The following SDS variants were observed in gnomAD, a reference collection of about 807,000 sequenced individuals.
SDS encodes L-serine dehydratase/L-threonine deaminase.
In SDS, 19 loss-of-function variants were observed where a neutral mutation model predicts 29.3. That is an observed-to-expected ratio of 0.65 (90% confidence interval 0.45 to 0.95). The LOEUF is 0.95. Ranked by LOEUF, SDS falls within the 40% of genes least tolerant of loss-of-function variation. The probability of loss-of-function intolerance (pLI) is 0.00; values close to 1 mark genes in which losing one functional copy is unlikely to be tolerated. For missense variants in SDS, 375 were observed against 439.9 expected (o/e 0.85, Z 1.32); for synonymous variants, 176 against 189.0 (o/e 0.93, Z 0.56).
Position 113,398,784 on chromosome 12 carries a change from C to A in SDS, c.256G>T (p.Val86Leu). The change falls in exon 4 of 8, where the codon GTG becomes TTG. Residue 86 changes from valine (V) to leucine (L), a missense_variant. Coordinates refer to ENST00000257549, the MANE Select transcript of SDS (RefSeq NM_006843.3). The stretch of plus-strand genomic sequence containing the variant: ...AGAGCAGGTGTGGTGCTGGGCACCA[C>A]GATGGTGGCGGGGACGCCGAGTTGC... ...ARQLGVPATIVVPSTTPALTI... is the reference protein window; with the variant it reads ...ARQLGVPATILVPSTTPALTI... The A allele has an allele frequency of 6.2e-7, 1 of 1,613,982 alleles. No homozygotes were observed. The highest frequency in any genetic ancestry group is 2.2e-5 in the East Asian group (1 of 44,874).
chr12:113,401,540 T>C (rs759065521), intron 1 of SDS, among the ~76,000 whole-genome samples: 33 of 152,206 alleles, frequency 2.2e-4, no homozygotes, highest in South Asian at 4.1e-4. Flanking sequence ...CTTGCTGTTG[T>C]TTTAAGTCAC....
intron 6 of SDS, among the ~76,000 whole-genome samples, chr12:113,394,348 T>G (rs1456419327): frequency 4.7e-5 from 7 of 150,502 alleles, no homozygotes; most frequent in Non-Finnish European, 8.9e-5. Flanking sequence ...TTTTTGTTTT[T>G]TTTTTTTTTT....
intron 1 of SDS, among the ~76,000 whole-genome samples, chr12:113,403,123 A>G (rs1216579691): frequency 6.6e-6 from 1 of 151,938 alleles, no homozygotes; most frequent in Non-Finnish European, 1.5e-5. Flanking sequence ...TTTAGGCCCA[A>G]ATGGCTGTTT....
At position 113,398,832 on chromosome 12, in the gene SDS, T is replaced by C; in HGVS notation, c.208A>G (p.Met70Val). 3 of 1,606,724 alleles carry C rather than the reference T, an allele frequency of 1.9e-6. No homozygotes were observed. Among genetic ancestry groups the C allele is most frequent in the Non-Finnish European group, 1.7e-6 (2 of 1,176,794 alleles). The change falls in exon 4 of 8, where the codon ATG becomes GTG. Residue 70 changes from methionine to valine, a missense_variant. Physicochemically the swap from Met to Val is conservative, Grantham distance 21. Coordinates refer to ENST00000257549, the MANE Select transcript of SDS (RefSeq NM_006843.3). ...FVCSSAGNAG[M>V]AAAYAARQLG... is the part of the protein sequence containing the mutation. ...TGCCTGGCCGCATATGCAGCCGCCA[T>C]GCCTGCGTTGCCCGCTGCCAGGGTC...
intron 6 of SDS, 46 bp downstream of exon 6, chr12:113,397,119 C>A (rs368118536): frequency 1.4e-5 from 21 of 1,534,408 alleles, no homozygotes; most frequent in Non-Finnish European, 1.8e-5. Flanking sequence ...AAGGGGGACT[C>A]CCCAGTGCTT....
At position 113,398,519 on chromosome 12, in the gene SDS, T is replaced by A; in HGVS notation, c.421A>T (p.Ile141Phe). 1.9e-6 allele frequency: 3 copies of A among 1,588,848 alleles called. No homozygotes were observed. Among genetic ancestry groups the A allele is most frequent in the Non-Finnish European group, 2.6e-6 (3 of 1,168,296 alleles). The change falls in exon 5 of 8, where the codon ATC becomes TTC. Residue 141 changes from isoleucine to phenylalanine, a missense_variant. Coordinates refer to ENST00000257549, the MANE Select transcript of SDS (RefSeq NM_006843.3). Reference sequence around the variant, plus strand: ...GTGACCTTGAACTCCACATACCAGATGAGGGGGTCATCAAAGGGGGGAATG... The same window carrying A: ...GTGACCTTGAACTCCACATACCAGAAGAGGGGGTCATCAAAGGGGGGAATG... ...VYIPPFDDPL[I>F]WEGHASIVKE...
At chr12:113,396,790 T>G in intron 6 of SDS, 1 of 260,070 alleles carries the variant, frequency 3.8e-6, no homozygotes, top group Non-Finnish European at 7.6e-6. Flanking sequence ...CACGCCCAGT[T>G]AATTTAAAAA....
At chr12:113,395,063 A>AG (rs1957636479) in intron 6 of SDS, among the ~76,000 whole-genome samples, 2 of 152,232 alleles carry the variant, frequency 1.3e-5, no homozygotes, top group African/African-American at 4.8e-5. Flanking sequence ...GATTTTGGAA[A>AG]GGGGAAACTG....
chr12:113,397,075 G>A (rs1045126917), intron 6 of SDS, 90 bp downstream of exon 6: 38 of 1,140,572 alleles, frequency 3.3e-5, no homozygotes, highest in Non-Finnish European at 3.3e-5. Flanking sequence ...CTGTGAAACA[G>A]GCTGACATCA....
intron 6 of SDS, among the ~76,000 whole-genome samples, chr12:113,394,373 T>C (rs1440365492): frequency 1.3e-5 from 2 of 150,800 alleles, no homozygotes; most frequent in African/African-American, 4.9e-5. Context: ...GGAGTCTTGC[T>C]CTGTTGCCCA....
In SDS at chr12:113,392,939, C is replaced by T. The variant is rs760149546; in HGVS notation, c.*2G>A. 5 of 1,613,960 alleles carry T rather than the reference C, an allele frequency of 3.1e-6. No homozygotes were observed. The South Asian group carries it at 5.5e-5, about 18-fold the overall frequency. On this transcript the variant is annotated 3_prime_UTR_variant, in exon 8 of 8. Coordinates refer to ENST00000257549, the MANE Select transcript of SDS (RefSeq NM_006843.3). ...GAGCACAGATCGGTAAGGGGTCCGT[C>T]CTCACTTGGGCAACCTATTTGTCAT...
In SDS at chr12:113,392,987, C is replaced by G. The variant is rs371260220; in HGVS notation, c.941G>C (p.Arg314Pro). The G allele has an allele frequency of 6.2e-7, 1 of 1,614,142 alleles. No individual in the cohort carries two copies. Among genetic ancestry groups the G allele is most frequent in the African/African-American group, 1.3e-5 (1 of 75,052 alleles). ...GGSNISLAQL[R>P]ALKEQLGMTN... ...CATGCCCAGCTGTTCCTTGAGCGCC[C>G]GCAGCTGGGCCAGGCTGATGTTGCT... The change falls in exon 8 of 8, where the codon CGG (arginine) becomes CCG (proline). Residue 314 changes from arginine to proline, a missense_variant. By Grantham distance (103) the Arg-to-Pro change is moderately radical (BLOSUM62 -2). Coordinates refer to ENST00000257549, the MANE Select transcript of SDS (RefSeq NM_006843.3).
intron 1 of SDS, among the ~76,000 whole-genome samples, chr12:113,401,112 TCAAA>T (rs112865480): frequency 9.5e-4 from 145 of 152,088 alleles, no homozygotes; most frequent in East Asian, 2.7e-3. Flanking sequence ...AGACTCTGTC[TCAAA>T]CAAACAAACA....
intron 5 of SDS, 35 bp downstream of exon 5, chr12:113,398,480 G>A (rs763932148): frequency 4.3e-6 from 6 of 1,405,452 alleles, no homozygotes; most frequent in Admixed American, 2.0e-5. Context: ...GGCAGTGGCT[G>A]CCACCCCCAC....
Position 113,393,015 on chromosome 12 carries a change from C to G in SDS, c.913G>C (p.Gly305Arg). 6.2e-7 allele frequency: 1 copy of G among 1,614,196 alleles called. No individual in the cohort carries two copies. The highest frequency in any genetic ancestry group is 1.1e-5 in the South Asian group (1 of 91,074). Reference protein sequence around the residue: ...LPSLVVIVCGGSNISLAQLRA... With the variant: ...LPSLVVIVCGRSNISLAQLRA... ...AGCTGGGCCAGGCTGATGTTGCTGC[C>G]CCCGCAGACGATGACCACGAGGGAT... Residue 305 changes from glycine (G) to arginine (R), a missense_variant, in exon 8 of 8, where the codon GGC becomes CGC. Transcript: ENST00000257549.
At chr12:113,399,330 G>C in intron 2 of SDS, 179 bp from the exon 3 acceptor site, 1 of 859,044 alleles carries the variant, frequency 1.2e-6, no homozygotes, top group Non-Finnish European at 1.8e-6. Flanking sequence ...GCTCAGGAAA[G>C]GGTGGAGGAA....
In SDS at chr12:113,399,630, C is replaced by T. The variant is rs747689476; in HGVS notation, c.79G>A (p.Val27Ile). Residue 27 changes from valine (V) to isoleucine (I), a missense_variant, in exon 2 of 8, where the codon GTC (valine) becomes ATC (isoleucine). Physicochemically the swap from Val to Ile is conservative, Grantham distance 29 (BLOSUM62 3). Coordinates refer to ENST00000257549, the MANE Select transcript of SDS (RefSeq NM_006843.3). ...TGGGCACTGTCCATCTTGAGGTAGA[C>T]GCTGGTGCCGGCCATTTTGGACAGG... ...MALSKMAGTS[V>I]YLKMDSAQPS... is the part of the protein sequence containing the mutation. 3.2e-5 allele frequency: 52 copies of T among 1,600,498 alleles called. No homozygotes were observed. The highest frequency in any genetic ancestry group is 1.0e-4 in the Admixed American group (6 of 58,120).
Position 113,398,617 on chromosome 12 carries a change from A to T in SDS, c.334-11T>A, listed in dbSNP as rs775547492. 6.3e-7 allele frequency: 1 copy of T among 1,598,608 alleles called. No homozygotes were observed. Among genetic ancestry groups the T allele is most frequent in the Non-Finnish European group, 8.5e-7 (1 of 1,170,446 alleles). ...GGCTTCATCCAATAACTGCAAAGCC[A>T]CAGGGGAGATAGGAGGGGGTGAGGC... On this transcript the variant is annotated splice_polypyrimidine_tract_variant and intron_variant, in intron 4 of 7. Coordinates refer to ENST00000257549, the MANE Select transcript of SDS (RefSeq NM_006843.3).
Position 113,399,542 on chromosome 12 carries a change from AC to A in SDS, c.153+13del. The stretch of plus-strand genomic sequence containing the variant: ...TGCCACCCCTGCCCAGATAATGCTG[AC>A]CCGGTCCCGTACCCTCTTGCAGAAG... On this transcript the variant is annotated intron_variant, in intron 2 of 7. Coordinates refer to ENST00000257549, the MANE Select transcript of SDS (RefSeq NM_006843.3). 2.6e-6 allele frequency: 4 copies of A among 1,553,084 alleles called. No individual in the cohort carries two copies. The highest frequency in any genetic ancestry group is 3.5e-6 in the Non-Finnish European group (4 of 1,152,630).
Sources: gnomAD v4.1 joint callset for allele counts (sites outside exome capture counted in the v4.1 genomes callset) on GRCh38, gnomAD v4.1.1 for gene constraint, MANE v1.5 for transcripts, NCBI Gene and HGNC (gene_info 2026-07-23, HGNC 2026-07-21) for gene names.